Variants in PTPRT observed in about 807,000 individuals in gnomAD.
The protein encoded by PTPRT is receptor-type tyrosine-protein phosphatase T.
Under a neutral mutation model 176.8 loss-of-function variants are expected in PTPRT, and 56 were observed. That is an observed-to-expected ratio of 0.32 (90% confidence interval 0.26 to 0.40). The LOEUF is 0.40. PTPRT is among the 10% of genes least tolerant of loss of function. The probability of loss-of-function intolerance (pLI) is 1.00; values close to 1 mark genes in which losing one functional copy is unlikely to be tolerated. For missense variants in PTPRT, 1,540 were observed against 1,908.2 expected (o/e 0.81, Z 3.60); for synonymous variants, 783 against 739.0 (o/e 1.06, Z -0.96).
At chr20:42,660,664 C>G (rs1157358655) in intron 7 of PTPRT, among the ~76,000 whole-genome samples, 1 of 152,112 alleles carries the variant, frequency 6.6e-6, no homozygotes, top group Non-Finnish European at 1.5e-5. Context: ...CATGCAACAC[C>G]TATTTATTGC....
rs970545775 is a variant in PTPRT at position 42,079,196 on chromosome 20, TG to T, written c.*1682del. 1.9e-5 allele frequency: 4 copies of T among 205,400 alleles called. No homozygotes were observed. Among genetic ancestry groups the T allele is most frequent in the Non-Finnish European group, 3.0e-5 (3 of 100,352 alleles). 12.7% of individuals were successfully genotyped at this position (205,400 alleles called of 1,614,324 possible). On this transcript the variant is annotated 3_prime_UTR_variant, in exon 31 of 31. Transcript: ENST00000373187. ...AGAAATTAGATGAGACTGGCTTTCC[TG>T]GGGAGCTGGGAATGTGTTACTAAAA...
intron 9 of PTPRT, among the ~76,000 whole-genome samples, chr20:42,430,100 C>T (rs2059202469): frequency 1.3e-5 from 2 of 152,302 alleles, no homozygotes; most frequent in South Asian, 4.1e-4. Flanking sequence ...TGATTTTGGT[C>T]TCTTCAGGGA....
intron 1 of PTPRT, among the ~76,000 whole-genome samples, chr20:42,914,900 A>T (rs1392899169): frequency 6.6e-6 from 1 of 152,062 alleles, no homozygotes; most frequent in Non-Finnish European, 1.5e-5. Context: ...AATACATACC[A>T]AACATTGCAC....
At chr20:42,728,903 T>A (rs1397361991) in intron 6 of PTPRT, among the ~76,000 whole-genome samples, 3 of 152,268 alleles carry the variant, frequency 2.0e-5, no homozygotes, top group East Asian at 3.9e-4. Context: ...GGTACCTACA[T>A]ATGTTTAATG....
intron 7 of PTPRT, among the ~76,000 whole-genome samples, chr20:42,595,931 C>A (rs935620407): frequency 6.6e-6 from 1 of 152,132 alleles, no homozygotes; most frequent in Non-Finnish European, 1.5e-5. Flanking sequence ...AGCAAATACC[C>A]CTGCCTACTT....
At chr20:42,542,895 T>G (rs148569723) in intron 7 of PTPRT, among the ~76,000 whole-genome samples, 1 of 152,246 alleles carries the variant, frequency 6.6e-6, no homozygotes, top group African/African-American at 2.4e-5. Flanking sequence ...ATAAAAGTTA[T>G]GTGTACACTA....
intron 1 of PTPRT, among the ~76,000 whole-genome samples, chr20:42,896,275 G>A (rs1184151399): frequency 1.3e-5 from 2 of 152,034 alleles, no homozygotes; most frequent in Non-Finnish European, 1.5e-5. Flanking sequence ...CTCCAAGATA[G>A]GTCCACCTAC....
At chr20:42,448,406 T>C in intron 8 of PTPRT, 77 bp from the exon 9 acceptor site, 1 of 1,104,722 alleles carries the variant, frequency 9.1e-7, no homozygotes, top group South Asian at 1.3e-5. Context: ...AGAACAGGGG[T>C]TGACAAAGTT....
chr20:42,717,928 T>G (rs577918597), intron 6 of PTPRT, among the ~76,000 whole-genome samples: 1 of 152,342 alleles, frequency 6.6e-6, no homozygotes, highest in African/African-American at 2.4e-5. Context: ...TTGCTCAATT[T>G]CACTAGTCAT....
chr20:43,108,645 A>C (rs1444787288), intron 1 of PTPRT, among the ~76,000 whole-genome samples: 2 of 152,088 alleles, frequency 1.3e-5, no homozygotes, highest in African/African-American at 4.8e-5. Context: ...TTATTTTCTT[A>C]TAAGGACCTC....
At chr20:42,327,502 ACT>A (rs1454780916) in intron 11 of PTPRT, among the ~76,000 whole-genome samples, 1 of 152,064 alleles carries the variant, frequency 6.6e-6, no homozygotes, top group Non-Finnish European at 1.5e-5. Flanking sequence ...TATGTAACAG[ACT>A]GACCTTTCCA....
chr20:42,851,814 C>T (rs1182226671), intron 2 of PTPRT, among the ~76,000 whole-genome samples: 1 of 152,160 alleles, frequency 6.6e-6, no homozygotes, highest in Non-Finnish European at 1.5e-5. Context: ...AAGCAGCAAA[C>T]CAGATTTGGC....
chr20:42,518,201 A>C (rs1157259630), intron 7 of PTPRT, among the ~76,000 whole-genome samples: 1 of 151,944 alleles, frequency 6.6e-6, no homozygotes. Flanking sequence ...TGGTAATGCA[A>C]ACTGTCATTT....
intron 2 of PTPRT, among the ~76,000 whole-genome samples, chr20:42,841,112 G>A (rs2145725474): frequency 6.6e-6 from 1 of 152,256 alleles, no homozygotes; most frequent in Middle Eastern, 3.4e-3. Context: ...ACTGCTAGCT[G>A]GGGCTCAGCC....
chr20:42,930,809 C>G (rs1368403488), intron 1 of PTPRT, among the ~76,000 whole-genome samples: 1 of 152,146 alleles, frequency 6.6e-6, no homozygotes, highest in Non-Finnish European at 1.5e-5. Flanking sequence ...GACTTTCCCT[C>G]TCTATTATGA....
Position 42,336,771 on chromosome 20 carries a change from G to A in PTPRT, c.1865+13857C>T, listed in dbSNP as rs553238444. On this transcript the variant is annotated intron_variant, in intron 11 of 30. Transcript: ENST00000373187. ...GAAATAGCTAAGAATTACGCAAAAA[G>A]CTGACAAAATTTCATAAACCAAGAA... Among the ~76,000 whole-genome samples the A allele has an allele frequency of 3.4e-3, 520 of 152,246 alleles. 2 individuals carry two copies. Among genetic ancestry groups the A allele is most frequent in the Non-Finnish European group, 4.6e-3 (315 of 68,020 alleles).
At position 42,669,027 on chromosome 20, in the gene PTPRT, G is replaced by A. The variant is rs963345305; in HGVS notation, c.1153+8839C>T. On this transcript the variant is annotated intron_variant, in intron 7 of 30. Transcript: ENST00000373187. ...GCCGTGCCCAGATAATTCTTATGGC[G>A]TCTCAATCAGAGGCTCCATAACCGA... is the stretch of plus-strand genomic sequence containing the variant. 9.9e-5 allele frequency among the ~76,000 whole-genome samples: 15 copies of A among 152,040 alleles called. No individual in the cohort carries two copies. In the South Asian group the frequency reaches 1.0e-3, roughly 11 times the overall value.
intron 1 of PTPRT, among the ~76,000 whole-genome samples, chr20:43,128,149 T>C (rs1212235413): frequency 6.6e-6 from 1 of 151,258 alleles, no homozygotes; most frequent in Non-Finnish European, 1.5e-5. Context: ...ACTGTAAGAG[T>C]GGTGAGAAGC....
chr20:43,170,082 G>A (rs2014958778), intron 1 of PTPRT, among the ~76,000 whole-genome samples: 1 of 151,802 alleles, frequency 6.6e-6, no homozygotes, highest in Admixed American at 6.6e-5. Context: ...GTGTTGATGT[G>A]TATCTGCATG....
Sources: allele counts gnomAD v4.1 joint callset (sites outside exome capture counted in the v4.1 genomes callset), GRCh38; gene constraint gnomAD v4.1.1; transcripts MANE v1.5; gene names NCBI Gene and HGNC (gene_info 2026-07-23, HGNC 2026-07-21).